THADA: variants seen among roughly 807,000 people sequenced by gnomAD.
THADA encodes the protein tRNA (32-2'-O)-methyltransferase regulator THADA.
Under a neutral mutation model 219.8 loss-of-function variants are expected in THADA, and 213 were observed. That is an observed-to-expected ratio of 0.97 (90% CI 0.87 to 1.09). THADA has a LOEUF of 1.09. THADA is among the 50% of genes least tolerant of loss of function. The probability of loss-of-function intolerance (pLI) is 0.00; values close to 1 mark genes in which losing one functional copy is unlikely to be tolerated. For synonymous variants in THADA, 1,018 were observed against 828.9 expected, an observed-to-expected ratio of 1.23 and a Z score of -3.92; for missense variants, 2,956 against 2,311.3, an observed-to-expected ratio of 1.28 and a Z score of -5.72.
chr2:43,546,904 T>C (rs1696103150), intron 20 of THADA, among the ~76,000 whole-genome samples: 2 of 152,188 alleles, frequency 1.3e-5, no homozygotes, highest in South Asian at 4.1e-4. Context: ...GTGAATTTGA[T>C]CCTGTCATTA....
intron 8 of THADA, among the ~76,000 whole-genome samples, chr2:43,579,410 T>A (rs1056026390): frequency 1.3e-5 from 2 of 152,256 alleles, no homozygotes; most frequent in African/African-American, 4.8e-5. Flanking sequence ...CCAAACAGTT[T>A]TGACTTGGTA....
At chr2:43,462,081 G>A (rs977726714) in intron 26 of THADA, among the ~76,000 whole-genome samples, 47 of 152,068 alleles carry the variant, frequency 3.1e-4, no homozygotes, top group Admixed American at 5.9e-4. Flanking sequence ...AGGGGATTTC[G>A]GGCTGCATTT....
At chr2:43,429,144 G>A (rs1678896181) in intron 27 of THADA, among the ~76,000 whole-genome samples, 1 of 151,476 alleles carries the variant, frequency 6.6e-6, no homozygotes, top group Non-Finnish European at 1.5e-5. Flanking sequence ...GTATTTTTCT[G>A]TCACCCAAGC....
chr2:43,292,743 C>T (rs1374251828), intron 32 of THADA, 91 bp downstream of exon 32: 1 of 1,508,000 alleles, frequency 6.6e-7, no homozygotes, highest in Non-Finnish European at 8.9e-7. Context: ...AGAGCCTAAA[C>T]CCAATCTTGC....
At position 43,520,713 on chromosome 2, in the gene THADA, T is replaced by TATATATACACACACAC. The variant is rs1218079783; in HGVS notation, c.3374+7165_3374+7166insGTGTGTGTGTATATAT. The stretch of plus-strand genomic sequence containing the variant: ...TCAAATATTTATACGTATATATATA[T>TATATATACACACACAC]ACACACACACACACACACACACACA... On this transcript the variant is annotated intron_variant, in intron 22 of 37. Coordinates refer to ENST00000405975, the MANE Select transcript of THADA (RefSeq NM_022065.5). Among the ~76,000 whole-genome samples the TATATATACACACACAC allele has an allele frequency of 2.8e-3, 347 of 125,052 alleles. 2 individuals are homozygous for TATATATACACACACAC. Among genetic ancestry groups the TATATATACACACACAC allele is most frequent in the African/African-American group, 9.7e-3 (327 of 33,568 alleles). 82.0% of individuals were successfully genotyped at this position (125,052 alleles called of 152,430 possible).
At chr2:43,397,333 A>G (rs899801966) in intron 29 of THADA, among the ~76,000 whole-genome samples, 2 of 152,212 alleles carry the variant, frequency 1.3e-5, no homozygotes, top group Non-Finnish European at 2.9e-5. Flanking sequence ...AGACCTCACC[A>G]ATACTACCTG....
chr2:43,262,021 C>T (rs1671014699), intron 36 of THADA, among the ~76,000 whole-genome samples: 1 of 152,220 alleles, frequency 6.6e-6, no homozygotes, highest in Admixed American at 6.5e-5. Flanking sequence ...ATCCACCCGC[C>T]TCGGCCTCTC....
intron 4 of THADA, among the ~76,000 whole-genome samples, chr2:43,588,690 C>T (rs12052942): frequency 0.19 from 28,949 of 151,802 alleles, 2,864 homozygotes; most frequent in East Asian, 0.25. Flanking sequence ...TGATAGTATC[C>T]AATGTTGGAA....
chr2:43,406,804 T>C (rs1675588171), intron 28 of THADA, among the ~76,000 whole-genome samples: 1 of 152,208 alleles, frequency 6.6e-6, no homozygotes, highest in South Asian at 2.1e-4. Flanking sequence ...GTTCTCCTCA[T>C]GCAACAGCTG....
chr2:43,501,306 C>CAAAAAAAAAAAAAAAA (rs1558864377), intron 24 of THADA, among the ~76,000 whole-genome samples: 5 of 12,286 alleles, frequency 4.1e-4, no homozygotes, highest in African/African-American at 1.4e-3. Flanking sequence ...AACTCCAACT[C>CAAAAAAAAAAAAAAAA]CAAAAAAAAA....
At chr2:43,275,777 C>T (rs1672664725) in intron 36 of THADA, among the ~76,000 whole-genome samples, 1 of 152,226 alleles carries the variant, frequency 6.6e-6, no homozygotes, top group South Asian at 2.1e-4. Context: ...CTGAAGGCAG[C>T]TTCACAAATT....
chr2:43,263,028 T>C (rs2104217745), intron 36 of THADA, among the ~76,000 whole-genome samples: 1 of 152,342 alleles, frequency 6.6e-6, no homozygotes, highest in African/African-American at 2.4e-5. Flanking sequence ...AGGGCATCCT[T>C]GGCCTTTGAA....
Position 43,393,166 on chromosome 2 carries a change from C to A in THADA, c.4227+4805G>T, listed in dbSNP as rs533414868. 2.6e-5 allele frequency among the ~76,000 whole-genome samples: 4 copies of A among 152,254 alleles called. No homozygotes were observed. The South Asian group carries it at 6.2e-4, about 24-fold the overall frequency. On this transcript the variant is annotated intron_variant, in intron 29 of 37. Transcript: ENST00000405975. ...AGAGATGAGTAGAGAGGGGAGGGTA[C>A]AATATACCTTTCACGGGTCGCAGCT...
chr2:43,344,148 G>A lies in THADA; in HGVS notation c.4317C>T (p.Thr1439=). The A allele has an allele frequency of 6.2e-7, 1 of 1,611,176 alleles. No homozygotes were observed. Among genetic ancestry groups the A allele is most frequent in the Non-Finnish European group, 8.5e-7 (1 of 1,178,776 alleles). ...QHELTDITVC[T]KAKLWLAKRQ... is the part of the protein sequence containing the mutation. ...TCTTGGCCAGCCAGAGTTTGGCTTT[G>A]GTACAAACAGTGATGTCAGTCAGCT... The change falls in exon 30 of 38, where the codon ACC becomes ACT. Residue 1439 remains threonine (T), a synonymous_variant. Coordinates refer to ENST00000405975, the MANE Select transcript of THADA (RefSeq NM_022065.5).
chr2:43,284,962 G>C (rs887679265), intron 35 of THADA, among the ~76,000 whole-genome samples: 1 of 152,214 alleles, frequency 6.6e-6, no homozygotes, highest in Non-Finnish European at 1.5e-5. Context: ...CATGGGGCCC[G>C]TAGACCCTTT....
intron 36 of THADA, among the ~76,000 whole-genome samples, chr2:43,258,676 A>G (rs1670592828): frequency 6.6e-6 from 1 of 152,230 alleles, no homozygotes; most frequent in Non-Finnish European, 1.5e-5. Context: ...TGACCAGGCC[A>G]ATATTTACAC....
chr2:43,232,595 A>T, intron 37 of THADA, 118 bp downstream of exon 37: 1 of 1,133,388 alleles, frequency 8.8e-7, no homozygotes, highest in Non-Finnish European at 1.3e-6. Flanking sequence ...TGACTTTCCT[A>T]GTGGTTCCTG....
chr2:43,579,927 C>T (rs1700232781), intron 8 of THADA, among the ~76,000 whole-genome samples: 1 of 151,726 alleles, frequency 6.6e-6, no homozygotes, highest in African/African-American at 2.4e-5. Context: ...TTTTCAGTTA[C>T]TTGCAGCTAA....
intron 36 of THADA, among the ~76,000 whole-genome samples, chr2:43,260,942 C>T (rs1417965945): frequency 1.3e-5 from 2 of 152,104 alleles, no homozygotes; most frequent in Non-Finnish European, 2.9e-5. Context: ...TGACCTTTTA[C>T]ATTCTGAGAA....
Sources: gnomAD v4.1 joint callset for allele counts (sites outside exome capture counted in the v4.1 genomes callset) on GRCh38, gnomAD v4.1.1 for gene constraint, MANE v1.5 for transcripts, NCBI Gene and HGNC (gene_info 2026-07-23, HGNC 2026-07-21) for gene names.